Variants in PCNX1 observed in about 807,000 individuals in gnomAD.
PCNX1 encodes the protein pecanex-like protein 1.
Under a neutral mutation model 242.2 loss-of-function variants are expected in PCNX1, and 78 were observed. The observed-to-expected ratio is 0.32, with a 90% CI of 0.27 to 0.39. The LOEUF (loss-of-function observed/expected upper bound fraction) is 0.39, where lower values mean the gene tolerates loss of function less well. Ranked by LOEUF, PCNX1 falls within the 10% of genes least tolerant of loss-of-function variation. PCNX1 has a pLI of 1.00. For synonymous variants in PCNX1, 1,024 were observed against 1,032.9 expected, an observed-to-expected ratio of 0.99 and a Z score of 0.17; for missense variants, 2,581 against 2,856.5, an observed-to-expected ratio of 0.90 and a Z score of 2.20.
rs777858043 is a variant in PCNX1 at position 71,108,785 on chromosome 14, G to A, written c.6483G>A (p.Leu2161=). The stretch of plus-strand genomic sequence containing the variant: ...CTAGTCAGATATCGCTTCGAAACTT[G>A]CCATCATCCATCCAATCCCGACTGT... The part of the protein sequence containing the change: ...SSTSQISLRN[L]PSSIQSRLSM... Residue 2161 remains leucine, a synonymous_variant, in exon 34 of 36, where the codon TTG becomes TTA. Coordinates refer to ENST00000304743, the MANE Select transcript of PCNX1 (RefSeq NM_014982.3). 132 of 1,614,230 alleles carry A rather than the reference G, an allele frequency of 8.2e-5. 1 individual carries two copies. Among genetic ancestry groups the A allele is most frequent in the South Asian group, 5.6e-4 (51 of 91,086 alleles).
At chr14:70,916,659 T>C (rs370439772) in intron 1 of PCNX1, among the ~76,000 whole-genome samples, 2 of 152,210 alleles carry the variant, frequency 1.3e-5, no homozygotes, top group South Asian at 4.1e-4. Flanking sequence ...ATGCCAAGGA[T>C]TATCTGAACC....
At chr14:70,964,141 A>T (rs140646721) in intron 3 of PCNX1, among the ~76,000 whole-genome samples, 1,740 of 152,244 alleles carry the variant, frequency 0.011, 58 homozygotes, top group East Asian at 0.1. Flanking sequence ...ATCTTGGCTC[A>T]CTGCAACCTC....
intron 7 of PCNX1, among the ~76,000 whole-genome samples, chr14:70,994,396 G>GATAGATATATATATAT (rs1555357306): frequency 3.1e-5 from 3 of 96,962 alleles, no homozygotes; most frequent in African/African-American, 7.7e-5. Context: ...ACAGGCTTAA[G>GATAGATATATATATAT]ATATATATAT....
intron 30 of PCNX1, chr14:71,093,986 A>C (rs1329043816): frequency 6.6e-6 from 1 of 152,236 alleles, no homozygotes; most frequent in East Asian, 1.9e-4. Flanking sequence ...GCTTCTAGTC[A>C]ACAGTAAGGT....
chr14:71,046,851 A>G, intron 20 of PCNX1, 113 bp from the exon 21 acceptor site: 1 of 752,990 alleles, frequency 1.3e-6, no homozygotes, highest in Non-Finnish European at 2.0e-6. Context: ...GGCTTTTTAA[A>G]AACAGTTTAT....
intron 28 of PCNX1, among the ~76,000 whole-genome samples, chr14:71,084,335 C>A (rs1456783271): frequency 6.6e-6 from 1 of 152,190 alleles, no homozygotes; most frequent in African/African-American, 2.4e-5. Context: ...GGTCAGGGAC[C>A]CACTTGAGGA....
rs561285104 is a variant in PCNX1, at chr14:70,943,729, G to A, written c.154-3186G>A. Among the ~76,000 whole-genome samples, 69 of 152,234 alleles carry A rather than the reference G, an allele frequency of 4.5e-4. 1 individual carries two copies. Among genetic ancestry groups the A allele is most frequent in the African/African-American group, 1.6e-3 (66 of 41,546 alleles). Reference sequence around the variant, plus strand: ...TCCAGCGCATGTCAGAGGTCTTCACGGCAGCCCCTCCCATCACGAGCCCAG... The same window carrying A: ...TCCAGCGCATGTCAGAGGTCTTCACAGCAGCCCCTCCCATCACGAGCCCAG... On this transcript the variant is annotated intron_variant, in intron 1 of 35. Transcript: ENST00000304743.
intron 6 of PCNX1, among the ~76,000 whole-genome samples, chr14:70,982,998 G>A (rs181724796): frequency 5.3e-5 from 8 of 152,276 alleles, no homozygotes; most frequent in Non-Finnish European, 7.3e-5. Flanking sequence ...TTTATGTATT[G>A]TAGGTTCATT....
intron 28 of PCNX1, among the ~76,000 whole-genome samples, chr14:71,081,992 T>C (rs540783362): frequency 6.6e-6 from 1 of 152,338 alleles, no homozygotes; most frequent in Non-Finnish European, 1.5e-5. Context: ...TCTGTGGGCA[T>C]TTAGTGCTAT....
intron 1 of PCNX1, among the ~76,000 whole-genome samples, chr14:70,909,130 A>G (rs1271399436): frequency 1.3e-5 from 2 of 152,212 alleles, no homozygotes; most frequent in Non-Finnish European, 2.9e-5. Context: ...AAAGGTGAGG[A>G]CACCCAATTC....
At chr14:70,924,701 C>T (rs1179361764) in intron 1 of PCNX1, among the ~76,000 whole-genome samples, 1 of 152,174 alleles carries the variant, frequency 6.6e-6, no homozygotes, top group Non-Finnish European at 1.5e-5. Flanking sequence ...GACCCTCCCA[C>T]CTCAGCATCC....
In PCNX1 at chr14:71,110,127, A is replaced by C. The variant is rs1037361344; in HGVS notation, c.*192A>C. On this transcript the variant is annotated 3_prime_UTR_variant, in exon 36 of 36. Coordinates refer to ENST00000304743, the MANE Select transcript of PCNX1 (RefSeq NM_014982.3). The stretch of plus-strand genomic sequence containing the variant: ...ACTCCTGTCACTGTCTCCATCCCCA[A>C]ATAAAGCTGAAATATTTTTTTAAGT... The C allele has an allele frequency of 6.2e-6, 4 of 644,430 alleles. No individual in the cohort carries two copies. The highest frequency in any genetic ancestry group is 1.6e-5 in the South Asian group (1 of 61,006). The allele number at this position is 644,430 out of a possible 1,614,324, so 39.9% of individuals were successfully genotyped here.
intron 19 of PCNX1, among the ~76,000 whole-genome samples, chr14:71,037,527 T>A (rs1430045089): frequency 2.6e-5 from 4 of 151,404 alleles, no homozygotes; most frequent in Non-Finnish European, 1.5e-5. Context: ...AAAGGCCTTT[T>A]CTGCATCTAT....
At chr14:71,022,379 T>G (rs563799656) in intron 12 of PCNX1, among the ~76,000 whole-genome samples, 3 of 152,232 alleles carry the variant, frequency 2.0e-5, no homozygotes, top group East Asian at 1.9e-4. Flanking sequence ...ACTAGAAGAA[T>G]AATAATGTCA....
At chr14:71,026,647 C>T in intron 14 of PCNX1, 125 bp from the exon 15 acceptor site, 1 of 470,342 alleles carries the variant, frequency 2.1e-6, no homozygotes, top group Non-Finnish European at 3.7e-6. Context: ...ATTTAAAATA[C>T]TGTCTTTTAA....
intron 9 of PCNX1, chr14:71,009,970 G>A (rs1349506581): frequency 3.2e-6 from 1 of 312,250 alleles, no homozygotes; most frequent in Non-Finnish European, 5.8e-6. Context: ...TTTGCGGTGA[G>A]GACACTTAAA....
intron 7 of PCNX1, among the ~76,000 whole-genome samples, chr14:70,993,124 A>T (rs1010115456): frequency 2.1e-5 from 3 of 145,924 alleles, no homozygotes; most frequent in Non-Finnish European, 3.0e-5. Context: ...ATCTAAATTA[A>T]TTTTTTTTTT....
chr14:71,086,050 G>C (rs2061981478), intron 28 of PCNX1, among the ~76,000 whole-genome samples: 1 of 151,972 alleles, frequency 6.6e-6, no homozygotes, highest in African/African-American at 2.4e-5. Context: ...AGTTTCTCTT[G>C]CTAAGTTTTT....
chr14:70,987,888 A>T (rs1368285094), intron 6 of PCNX1, among the ~76,000 whole-genome samples: 3 of 152,156 alleles, frequency 2.0e-5, no homozygotes, highest in African/African-American at 7.2e-5. Context: ...GTGCTTGCCA[A>T]TTTGCCAATA....
Sources: allele counts gnomAD v4.1 joint callset (sites outside exome capture counted in the v4.1 genomes callset), GRCh38; gene constraint gnomAD v4.1.1; transcripts MANE v1.5; gene names NCBI Gene and HGNC (gene_info 2026-07-23, HGNC 2026-07-21).